ROBO1: variants seen among roughly 807,000 people sequenced by gnomAD.
The protein encoded by ROBO1 is roundabout homolog 1.
In ROBO1, 149 loss-of-function variants were observed where a neutral mutation model predicts 195.9. The observed-to-expected ratio is 0.76, with a 90% CI of 0.67 to 0.87. ROBO1 has a LOEUF of 0.87. Ranked by LOEUF, ROBO1 falls within the 40% of genes least tolerant of loss-of-function variation. The probability of loss-of-function intolerance (pLI) is 0.00; values close to 1 mark genes in which losing one functional copy is unlikely to be tolerated. For synonymous variants in ROBO1, 816 were observed against 733.2 expected (o/e 1.11, Z -1.82); for missense variants, 1,933 against 2,068.3 (o/e 0.93, Z 1.27).
intron 2 of ROBO1, among the ~76,000 whole-genome samples, chr3:79,370,201 G>GAA (rs536594834): frequency 2.8e-5 from 4 of 141,518 alleles, no homozygotes; most frequent in South Asian, 2.3e-4. Flanking sequence ...TTAAAAATTG[G>GAA]AAAAAAAAAA....
At chr3:79,064,936 A>C (rs2078980560) in intron 3 of ROBO1, among the ~76,000 whole-genome samples, 1 of 152,024 alleles carries the variant, frequency 6.6e-6, no homozygotes, top group African/African-American at 2.4e-5. Context: ...TACTACAGGT[A>C]AAAATTACAG....
intron 2 of ROBO1, among the ~76,000 whole-genome samples, chr3:79,198,105 C>A (rs1028343942): frequency 2.0e-5 from 3 of 152,016 alleles, no homozygotes; most frequent in African/African-American, 7.2e-5. Flanking sequence ...GTCATGAAGT[C>A]TTTGCCCATG....
intron 3 of ROBO1, among the ~76,000 whole-genome samples, chr3:78,982,789 C>T (rs4680946): frequency 0.95 from 143,913 of 152,124 alleles, 68,389 homozygotes; most frequent in East Asian, 1. Context: ...CCAACACGCC[C>T]AGCTAATTTT....
chr3:79,283,116 ACCT>A (rs2031635918), intron 2 of ROBO1, among the ~76,000 whole-genome samples: 1 of 152,222 alleles, frequency 6.6e-6, no homozygotes, highest in Non-Finnish European at 1.5e-5. Context: ...AATTCTTTGT[ACCT>A]AATTAGCAAG....
At chr3:79,042,139 T>C (rs2078498431) in intron 3 of ROBO1, among the ~76,000 whole-genome samples, 4 of 152,184 alleles carry the variant, frequency 2.6e-5, no homozygotes, top group Admixed American at 2.6e-4. Context: ...GCATCAGATA[T>C]ACACATACAT....
chr3:79,335,527 C>T (rs1559826568), intron 2 of ROBO1, among the ~76,000 whole-genome samples: 1 of 152,186 alleles, frequency 6.6e-6, no homozygotes, highest in South Asian at 2.1e-4. Context: ...TCTCACTTCT[C>T]TCTCCTACCA....
chr3:78,752,168 T>A, intron 4 of ROBO1, among the ~76,000 whole-genome samples: 1 of 127,556 alleles, frequency 7.8e-6, no homozygotes, highest in Non-Finnish European at 1.7e-5. Flanking sequence ...CTCACATACA[T>A]AGTCATAGTA....
chr3:79,529,444 T>G (rs1256123082), intron 2 of ROBO1, among the ~76,000 whole-genome samples: 2 of 152,162 alleles, frequency 1.3e-5, no homozygotes. Flanking sequence ...GCCACTGCAC[T>G]CCAGCCTGGG....
intron 2 of ROBO1, among the ~76,000 whole-genome samples, chr3:79,554,859 A>G (rs2107685785): frequency 6.6e-6 from 1 of 152,230 alleles, no homozygotes; most frequent in African/African-American, 2.4e-5. Context: ...CTAACTCAGA[A>G]CTTACTGTGA....
intron 2 of ROBO1, among the ~76,000 whole-genome samples, chr3:79,212,656 T>C (rs1195181440): frequency 1.3e-5 from 2 of 151,652 alleles, no homozygotes; most frequent in East Asian, 2.0e-4. Flanking sequence ...CCGTCTCTAC[T>C]AAAAATACAA....
chr3:79,452,179 AGTTT>A (rs2039463902), intron 2 of ROBO1, among the ~76,000 whole-genome samples: 1 of 152,124 alleles, frequency 6.6e-6, no homozygotes, highest in Admixed American at 6.6e-5. Context: ...CATTCAGATT[AGTTT>A]ATCAAATAAA....
At chr3:79,266,579 A>T (rs2108957320) in intron 2 of ROBO1, among the ~76,000 whole-genome samples, 1 of 151,726 alleles carries the variant, frequency 6.6e-6, no homozygotes, top group South Asian at 2.1e-4. Flanking sequence ...TGGACTTCAC[A>T]TTTTAACTAG....
chr3:78,773,311 C>G (rs918407292), intron 4 of ROBO1, among the ~76,000 whole-genome samples: 4 of 151,926 alleles, frequency 2.6e-5, no homozygotes, highest in African/African-American at 9.7e-5. Flanking sequence ...AATCAGTACC[C>G]ATTAAATCAA....
At chr3:79,686,705 A>G (rs1947125349) in intron 1 of ROBO1, among the ~76,000 whole-genome samples, 2 of 152,326 alleles carry the variant, frequency 1.3e-5, no homozygotes, top group Admixed American at 1.3e-4. Flanking sequence ...CCACTGCTCA[A>G]TGAAATAAAA....
intron 8 of ROBO1, among the ~76,000 whole-genome samples, chr3:78,710,962 AGTAACTTCCG>A (rs1300193650): frequency 3.3e-5 from 5 of 152,248 alleles, no homozygotes; most frequent in African/African-American, 1.2e-4. Flanking sequence ...ATACTTAACA[AGTAACTTCCG>A]GTAAGTTTAA....
chr3:78,753,257 T>C (rs2082842410), intron 4 of ROBO1, among the ~76,000 whole-genome samples: 1 of 152,196 alleles, frequency 6.6e-6, no homozygotes, highest in Non-Finnish European at 1.5e-5. Context: ...TCTGCTGGGC[T>C]GTAGAAACGG....
At chr3:79,721,364 TAAAAAAACTA>T (rs1174493976) in intron 1 of ROBO1, among the ~76,000 whole-genome samples, 1 of 151,942 alleles carries the variant, frequency 6.6e-6, no homozygotes, top group Non-Finnish European at 1.5e-5. Context: ...GTTTATATCA[TAAAAAAACTA>T]AAAAAAAGTA....
chr3:79,514,275 C>T (rs1033899185), intron 2 of ROBO1, among the ~76,000 whole-genome samples: 1 of 152,120 alleles, frequency 6.6e-6, no homozygotes, highest in South Asian at 2.1e-4. Context: ...TTCCAAAAGG[C>T]ACATTTCTCT....
At chr3:79,482,461 G>A (rs753709887) in intron 2 of ROBO1, among the ~76,000 whole-genome samples, 9 of 152,054 alleles carry the variant, frequency 5.9e-5, no homozygotes, top group Non-Finnish European at 1.2e-4. Context: ...AACCCCTTAC[G>A]CTTGGTTCTC....
Sources: allele counts gnomAD v4.1 joint callset (sites outside exome capture counted in the v4.1 genomes callset), GRCh38; gene constraint gnomAD v4.1.1; transcripts MANE v1.5; gene names NCBI Gene and HGNC (gene_info 2026-07-23, HGNC 2026-07-21).